NAALADL2: variants seen among roughly 807,000 people sequenced by gnomAD.
NAALADL2 encodes the protein N-acetylated alpha-linked acidic dipeptidase like 2.
Under a neutral mutation model 87.2 loss-of-function variants are expected in NAALADL2, and 76 were observed. The observed-to-expected ratio is 0.87, with a 90% CI of 0.72 to 1.05. The LOEUF is 1.05. NAALADL2 is among the 50% of genes least tolerant of loss of function. The pLI is 0.00. For synonymous variants in NAALADL2, 354 were observed against 331.0 expected, an observed-to-expected ratio of 1.07 and a Z score of -0.75; for missense variants, 1,089 against 945.8, an observed-to-expected ratio of 1.15 and a Z score of -1.99.
intron 1 of NAALADL2, among the ~76,000 whole-genome samples, chr3:174,509,568 A>ATTTTTTTTTTTTTT (rs145219498): frequency 3.7e-5 from 3 of 80,118 alleles, no homozygotes; most frequent in African/African-American, 9.4e-5. Context: ...CACCCAGCTA[A>ATTTTTTTTTTTTTT]TTTTTTTTTT....
chr3:175,291,077 C>T (rs1755586231), intron 4 of NAALADL2, among the ~76,000 whole-genome samples: 1 of 152,088 alleles, frequency 6.6e-6, no homozygotes, highest in Non-Finnish European at 1.5e-5. Context: ...CATTTCTTCT[C>T]TGCTGCTTCC....
intron 9 of NAALADL2, among the ~76,000 whole-genome samples, chr3:175,524,003 A>G (rs1733043381): frequency 1.3e-5 from 2 of 152,210 alleles, no homozygotes; most frequent in African/African-American, 2.4e-5. Context: ...GTTTGCTAGC[A>G]TGATGCTGTC....
chr3:174,720,330 C>T (rs921997769), intron 2 of NAALADL2, among the ~76,000 whole-genome samples: 8 of 152,024 alleles, frequency 5.3e-5, no homozygotes, highest in Non-Finnish European at 8.8e-5. Context: ...AAGACACTGA[C>T]ATGGCCATTA....
intron 5 of NAALADL2, among the ~76,000 whole-genome samples, chr3:175,378,536 C>A (rs1323121832): frequency 2.0e-5 from 3 of 152,232 alleles, no homozygotes; most frequent in Non-Finnish European, 2.9e-5. Flanking sequence ...TCAGTGCATG[C>A]ACAGCTTAGA....
intron 4 of NAALADL2, among the ~76,000 whole-genome samples, chr3:175,277,161 C>A (rs1422474322): frequency 6.6e-6 from 1 of 152,040 alleles, no homozygotes; most frequent in African/African-American, 2.4e-5. Flanking sequence ...TGGAATTGGC[C>A]TTTGATTTTC....
intron 11 of NAALADL2, among the ~76,000 whole-genome samples, chr3:175,632,248 G>A (rs1727867006): frequency 6.7e-6 from 1 of 150,358 alleles, no homozygotes; most frequent in Non-Finnish European, 1.5e-5. Context: ...TGGTTTAAAA[G>A]TGTGTGGCAC....
At chr3:175,566,592 G>T (rs1717178700) in intron 9 of NAALADL2, among the ~76,000 whole-genome samples, 1 of 105,732 alleles carries the variant, frequency 9.5e-6, no homozygotes. Flanking sequence ...TTTTTCTTCA[G>T]TATGAGGCGC....
At chr3:174,689,657 T>C (rs909542290) in intron 2 of NAALADL2, among the ~76,000 whole-genome samples, 1 of 152,032 alleles carries the variant, frequency 6.6e-6, no homozygotes, top group African/African-American at 2.4e-5. Context: ...CTCTTGAGTG[T>C]TGGGAAATGG....
At chr3:175,356,065 G>A (rs1764322953) in intron 5 of NAALADL2, among the ~76,000 whole-genome samples, 1 of 152,106 alleles carries the variant, frequency 6.6e-6, no homozygotes, top group South Asian at 2.1e-4. Context: ...AGGGATTTAA[G>A]ATCACTTTGA....
chr3:174,714,687 G>A (rs1731010486), intron 2 of NAALADL2, among the ~76,000 whole-genome samples: 1 of 152,154 alleles, frequency 6.6e-6, no homozygotes, highest in South Asian at 2.1e-4. Flanking sequence ...TCAGCTTAAG[G>A]AGGTTTTGGG....
chr3:174,594,502 C>G (rs186240460), intron 2 of NAALADL2, among the ~76,000 whole-genome samples: 9 of 152,292 alleles, frequency 5.9e-5, no homozygotes, highest in Admixed American at 3.9e-4. Context: ...CTTCCTCATA[C>G]TTTACATATG....
intron 3 of NAALADL2, among the ~76,000 whole-genome samples, chr3:174,807,497 CT>C (rs1446618589): frequency 3.3e-5 from 5 of 151,962 alleles, no homozygotes; most frequent in Non-Finnish European, 7.4e-5. Flanking sequence ...TTCTGTTTTG[CT>C]TTTTCCTTGT....
chr3:174,684,630 C>T (rs550426112), intron 2 of NAALADL2, among the ~76,000 whole-genome samples: 10 of 152,148 alleles, frequency 6.6e-5, no homozygotes, highest in Middle Eastern at 6.8e-3. Context: ...TTTTCTAATA[C>T]TTTTTCTAGG....
At chr3:174,558,817 AT>A (rs996247067) in intron 2 of NAALADL2, among the ~76,000 whole-genome samples, 1 of 152,136 alleles carries the variant, frequency 6.6e-6, no homozygotes, top group Non-Finnish European at 1.5e-5. Context: ...TTTATCAAAC[AT>A]TTTGCCAACA....
intron 2 of NAALADL2, among the ~76,000 whole-genome samples, chr3:174,675,483 A>G (rs1316808825): frequency 6.6e-6 from 1 of 152,054 alleles, no homozygotes; most frequent in African/African-American, 2.4e-5. Context: ...TTGGCAACAT[A>G]GGCTTTGCTG....
intron 1 of NAALADL2, among the ~76,000 whole-genome samples, chr3:175,019,229 T>C (rs1751247677): frequency 6.6e-6 from 1 of 152,058 alleles, no homozygotes; most frequent in Non-Finnish European, 1.5e-5. Flanking sequence ...CCAAAGTTCA[T>C]ACTTGTTTCA....
Position 174,490,329 on chromosome 3 carries a change from T to C in NAALADL2, c.-184+49297T>C, listed in dbSNP as rs191071303. 3.1e-3 allele frequency among the ~76,000 whole-genome samples: 474 copies of C among 152,272 alleles called. 5 individuals are homozygous for C. Among genetic ancestry groups the C allele is most frequent in the African/African-American group, 0.011 (449 of 41,572 alleles). On this transcript the variant is annotated intron_variant, in intron 1 of 3. Coordinates refer to the NAALADL2 transcript ENST00000434257. ...GATTACATGTTGTGTGATTTCCATT[T>C]ATATAAAATGTCCAGAATTGGTAAA...
intron 4 of NAALADL2, among the ~76,000 whole-genome samples, chr3:175,305,529 T>C (rs1354731766): frequency 1.3e-5 from 2 of 152,148 alleles, no homozygotes; most frequent in Non-Finnish European, 2.9e-5. Flanking sequence ...CTTTTTCTTT[T>C]TTTTTGTTTT....
intron 2 of NAALADL2, among the ~76,000 whole-genome samples, chr3:174,575,946 CTCCACT>C (rs1715482518): frequency 6.6e-6 from 1 of 152,066 alleles, no homozygotes; most frequent in Non-Finnish European, 1.5e-5. Context: ...TCACAGCAAC[CTCCACT>C]TCCCGGGTTA....
Sources: allele counts gnomAD v4.1 joint callset (sites outside exome capture counted in the v4.1 genomes callset), GRCh38; gene constraint gnomAD v4.1.1; transcripts MANE v1.5; gene names NCBI Gene and HGNC (gene_info 2026-07-23, HGNC 2026-07-21).